The following STARD9 variants were observed in gnomAD, a reference collection of about 807,000 sequenced individuals.
STARD9 encodes StAR related lipid transfer domain containing 9.
In STARD9, 346 loss-of-function variants were observed where a neutral mutation model predicts 399.8. The observed-to-expected ratio is 0.87, with a 90% CI of 0.79 to 0.95. The LOEUF (loss-of-function observed/expected upper bound fraction) is 0.95, where lower values mean the gene tolerates loss of function less well. STARD9 is among the 40% of genes least tolerant of loss of function. STARD9 has a pLI of 0.00. For synonymous variants in STARD9, 2,203 were observed against 2,143.5 expected (o/e 1.03, Z -0.77); for missense variants, 5,832 against 5,667.5 (o/e 1.03, Z -0.93).
In STARD9 at chr15:42,689,500, C is replaced by T; in HGVS notation, c.7922C>T (p.Ser2641Phe). The change falls in exon 23 of 33, where the codon TCT (serine) becomes TTT (phenylalanine). Residue 2641 changes from serine (S) to phenylalanine (F), a missense_variant. This residue lies in a region of STARD9 where 5,828 missense variants were observed against 5,651.1 expected (regional missense o/e 1.03). Transcript: ENST00000290607. ...GATGAGAGGAAAGTCCAGGCCACATCTCTGTCTGCAGACAGCTTTGAATCT... is the reference window on the plus strand; with the variant it reads ...GATGAGAGGAAAGTCCAGGCCACATTTCTGTCTGCAGACAGCTTTGAATCT... The part of the protein sequence containing the change: ...LPDERKVQAT[S>F]LSADSFESLP... The T allele has an allele frequency of 6.5e-7, 1 of 1,537,344 alleles. No homozygotes were observed. The highest frequency in any genetic ancestry group is 8.7e-7 in the Non-Finnish European group (1 of 1,146,946).
intron 26 of STARD9, among the ~76,000 whole-genome samples, chr15:42,703,973 T>A (rs2061022810): frequency 6.6e-6 from 1 of 152,104 alleles, no homozygotes; most frequent in African/African-American, 2.4e-5. Context: ...AGTGGCGTGA[T>A]CTTGGCTCAC....
intron 26 of STARD9, among the ~76,000 whole-genome samples, chr15:42,706,660 G>A (rs7176860): frequency 0.24 from 36,658 of 151,842 alleles, 5,165 homozygotes; most frequent in African/African-American, 0.38. Flanking sequence ...ATGCTGGCCA[G>A]GCTCGTCTCG....
At chr15:42,667,341 C>T (rs1033239385) in intron 15 of STARD9, among the ~76,000 whole-genome samples, 2 of 151,972 alleles carry the variant, frequency 1.3e-5, no homozygotes, top group Admixed American at 6.6e-5. Context: ...CACGCCACCA[C>T]GCCCGACTAA....
At chr15:42,652,719 A>G (rs1433357426) in intron 9 of STARD9, 127 bp downstream of exon 9, 1 of 832,460 alleles carries the variant, frequency 1.2e-6, no homozygotes, top group Non-Finnish European at 1.9e-6. Flanking sequence ...TCTGTTGCCC[A>G]GACTGGAGTG....
chr15:42,682,557 A>G lies in STARD9; in HGVS notation c.2519A>G (p.His840Arg). The G allele has an allele frequency of 1.3e-6, 2 of 1,536,222 alleles. No homozygotes were observed. Among genetic ancestry groups the G allele is most frequent in the Non-Finnish European group, 8.7e-7 (1 of 1,146,172 alleles). ...SLSPQRLCSKHMPQLHSIFLS... is the reference protein window; with the variant it reads ...SLSPQRLCSKRMPQLHSIFLS... ...AGCCCCCAAAGACTCTGCAGCAAGCACATGCCCCAGCTACACAGGTACAGC... is the reference window on the plus strand; with the variant it reads ...AGCCCCCAAAGACTCTGCAGCAAGCGCATGCCCCAGCTACACAGGTACAGC... Residue 840 changes from histidine (H) to arginine (R), a missense_variant, in exon 22 of 33, where the codon CAC (histidine) becomes CGC (arginine). Transcript: ENST00000290607.
At chr15:42,713,048 A>G (rs1261772482) in intron 26 of STARD9, among the ~76,000 whole-genome samples, 1 of 152,214 alleles carries the variant, frequency 6.6e-6, no homozygotes, top group Non-Finnish European at 1.5e-5. Context: ...GAGCATTGCT[A>G]TCTTAATATT....
rs762481813 is a variant in STARD9, at chr15:42,685,419, TTCCAACCCCATTGTGAGC to T, written c.3882_3899del (p.Leu1299_Glu1304del). 370 of 1,533,526 alleles carry T rather than the reference TTCCAACCCCATTGTGAGC, an allele frequency of 2.4e-4. 1 individual carries two copies. Among genetic ancestry groups the T allele is most frequent in the Admixed American group, 5.5e-4 (28 of 50,860 alleles). The allele number at this position is 1,533,526 out of a possible 1,614,324, so 95.0% of individuals were successfully genotyped here. On this transcript the variant is annotated inframe_deletion, in exon 23 of 33. Coordinates refer to ENST00000290607, the MANE Select transcript of STARD9 (RefSeq NM_020759.3). ...CAGTTCGTTTTACCTTGATCCTCAGTTCCAACCCCATTGTGAGCTCCAACCCCATTGTGAGCTCCAACC... is the reference window on the plus strand; with the variant it reads ...CAGTTCGTTTTACCTTGATCCTCAGTTCCAACCCCATTGTGAGCTCCAACC...
intron 20 of STARD9, among the ~76,000 whole-genome samples, chr15:42,676,604 T>C (rs2060316747): frequency 6.6e-6 from 1 of 152,222 alleles, no homozygotes; most frequent in South Asian, 2.1e-4. Context: ...ATGGGATTGA[T>C]GGCAACTACT....
intron 3 of STARD9, among the ~76,000 whole-genome samples, chr15:42,622,813 G>T (rs1054853182): frequency 6.6e-6 from 1 of 152,234 alleles, no homozygotes; most frequent in Admixed American, 6.5e-5. Flanking sequence ...GGATTGAAAT[G>T]AAAAGGATAC....
intron 26 of STARD9, among the ~76,000 whole-genome samples, chr15:42,715,847 A>T (rs887284610): frequency 6.6e-6 from 1 of 152,150 alleles, no homozygotes; most frequent in Non-Finnish European, 1.5e-5. Context: ...TGTAGCTAAT[A>T]GGAAAGATCC....
At chr15:42,698,170 C>G (rs950494234) in intron 26 of STARD9, among the ~76,000 whole-genome samples, 2 of 152,194 alleles carry the variant, frequency 1.3e-5, no homozygotes, top group African/African-American at 4.8e-5. Flanking sequence ...TGCTTTCAGA[C>G]TTTTGCTGTT....
At chr15:42,621,038 G>A (rs558174776) in intron 3 of STARD9, among the ~76,000 whole-genome samples, 5 of 152,264 alleles carry the variant, frequency 3.3e-5, no homozygotes, top group African/African-American at 1.2e-4. Context: ...ATAGGGGTGA[G>A]CCACCACCTG....
chr15:42,646,398 A>G lies in STARD9; in HGVS notation c.560-4618A>G, dbSNP rs183072726. On this transcript the variant is annotated intron_variant, in intron 7 of 32. Coordinates refer to ENST00000290607, the MANE Select transcript of STARD9 (RefSeq NM_020759.3). The stretch of plus-strand genomic sequence containing the variant: ...TACCTTCATTATCTTAGCTTTAGCT[A>G]TATCTTTTGGATAACTTATTACAGC... 2.3e-3 allele frequency among the ~76,000 whole-genome samples: 351 copies of G among 152,330 alleles called. 2 individuals carry two copies. Among genetic ancestry groups the G allele is most frequent in the African/African-American group, 7.9e-3 (327 of 41,580 alleles).
intron 3 of STARD9, among the ~76,000 whole-genome samples, chr15:42,618,200 A>G (rs189571292): frequency 2.0e-5 from 3 of 150,242 alleles, no homozygotes; most frequent in Non-Finnish European, 4.5e-5. Context: ...TGGTGTGATC[A>G]TAGCTCACTG....
chr15:42,635,323 C>T (rs1330796922), intron 4 of STARD9, among the ~76,000 whole-genome samples: 1 of 151,480 alleles, frequency 6.6e-6, no homozygotes, highest in East Asian at 1.9e-4. Flanking sequence ...ATAATTAACC[C>T]TTATTTATTT....
chr15:42,596,372 A>G (rs1026839344), intron 3 of STARD9, among the ~76,000 whole-genome samples: 3 of 152,200 alleles, frequency 2.0e-5, no homozygotes, highest in Non-Finnish European at 4.4e-5. Context: ...CCTGGGTTTA[A>G]AGCGATTGTC....
intron 3 of STARD9, among the ~76,000 whole-genome samples, chr15:42,626,381 C>CTCTTCT (rs2059219254): frequency 7.8e-6 from 1 of 127,658 alleles, no homozygotes; most frequent in African/African-American, 3.7e-5. Flanking sequence ...CCTCCTCTTC[C>CTCTTCT]TCCTCTTCCT....
intron 9 of STARD9, among the ~76,000 whole-genome samples, chr15:42,655,348 A>G (rs1391253554): frequency 6.6e-6 from 1 of 152,214 alleles, no homozygotes; most frequent in Non-Finnish European, 1.5e-5. Context: ...CTATAAGGCC[A>G]ATAGTTACCA....
intron 10 of STARD9, 37 bp from the exon 11 acceptor site, chr15:42,662,757 T>A: frequency 7.3e-7 from 1 of 1,363,084 alleles, no homozygotes; most frequent in Non-Finnish European, 1.0e-6. Flanking sequence ...AGTGTCTTAT[T>A]TGCTTTTGTT....
Sources: gnomAD v4.1 joint callset for allele counts (sites outside exome capture counted in the v4.1 genomes callset) on GRCh38, gnomAD v4.1.1 for gene constraint, gnomAD v4.1.1 regional missense constraint, MANE v1.5 for transcripts, NCBI Gene and HGNC (gene_info 2026-07-23, HGNC 2026-07-21) for gene names.